The following ERCC6L2 variants were observed in gnomAD, a reference collection of about 807,000 sequenced individuals.
ERCC6L2 encodes ERCC excision repair 6 like 2, also known as DNA excision repair protein ERCC-6-like 2.
A neutral mutation model predicts 132.0 loss-of-function variants in ERCC6L2; 77 were observed. The observed-to-expected ratio is 0.58, with a 90% confidence interval of 0.49 to 0.71. The LOEUF (loss-of-function observed/expected upper bound fraction) is 0.71, where lower values mean the gene tolerates loss of function less well. Among genes scored for constraint, ERCC6L2 ranks in the 30% least tolerant of loss-of-function variants. ERCC6L2 has a pLI of 0.00. For synonymous variants in ERCC6L2, 583 were observed against 632.4 expected (o/e 0.92, Z 1.17); for missense variants, 1,542 against 1,837.6 (o/e 0.84, Z 2.94).
chr9:95,901,557 A>G (rs545472862), intron 3 of ERCC6L2, among the ~76,000 whole-genome samples: 16 of 152,092 alleles, frequency 1.1e-4, no homozygotes, highest in Admixed American at 3.3e-4. Context: ...TGTTGTTTTT[A>G]GGTTCCTTCT....
At chr9:96,036,361 A>T (rs927144402) in intron 19 of ERCC6L2, among the ~76,000 whole-genome samples, 2 of 152,226 alleles carry the variant, frequency 1.3e-5, no homozygotes, top group African/African-American at 2.4e-5. Context: ...ATGTCATAGC[A>T]TATTTTGGAA....
chr9:95,899,524 A>G (rs1828644518), intron 3 of ERCC6L2, among the ~76,000 whole-genome samples: 1 of 152,114 alleles, frequency 6.6e-6, no homozygotes, highest in Admixed American at 6.5e-5. Flanking sequence ...AAATATGCTT[A>G]TAATAGTTAC....
chr9:95,952,646 C>A (rs1831392238), intron 12 of ERCC6L2, among the ~76,000 whole-genome samples: 1 of 152,014 alleles, frequency 6.6e-6, no homozygotes, highest in Non-Finnish European at 1.5e-5. Context: ...CCTGCCTGAC[C>A]AACATGGTGA....
chr9:95,936,913 C>T (rs1830580120), intron 11 of ERCC6L2, among the ~76,000 whole-genome samples: 2 of 152,170 alleles, frequency 1.3e-5, no homozygotes, highest in Non-Finnish European at 1.5e-5. Context: ...TTTCACTCAG[C>T]GTAATTCCCT....
chr9:95,933,190 A>G (rs1397235759), intron 11 of ERCC6L2, among the ~76,000 whole-genome samples: 1 of 152,228 alleles, frequency 6.6e-6, no homozygotes, highest in African/African-American at 2.4e-5. Context: ...TCAAGAAGGT[A>G]ACTGGAACAG....
intron 17 of ERCC6L2, 146 bp from the exon 18 acceptor site, chr9:96,004,374 G>A (rs919529537): frequency 7.4e-6 from 3 of 404,764 alleles, no homozygotes; most frequent in Non-Finnish European, 1.4e-5. Flanking sequence ...AAAGACCTAG[G>A]TTAATATCTT....
At chr9:95,998,001 G>C (rs1833529477) in intron 17 of ERCC6L2, among the ~76,000 whole-genome samples, 1 of 152,192 alleles carries the variant, frequency 6.6e-6, no homozygotes, top group South Asian at 2.1e-4. Flanking sequence ...TTATAAAGTA[G>C]ATATTGTTTT....
At chr9:95,943,260 A>G (rs540854244) in intron 12 of ERCC6L2, among the ~76,000 whole-genome samples, 1 of 152,132 alleles carries the variant, frequency 6.6e-6, no homozygotes, top group Non-Finnish European at 1.5e-5. Context: ...AATTGTCAGA[A>G]TAAGGGTAGA....
chr9:95,890,167 A>T (rs1564196752), intron 2 of ERCC6L2, among the ~76,000 whole-genome samples: 1 of 152,210 alleles, frequency 6.6e-6, no homozygotes, highest in Non-Finnish European at 1.5e-5. Context: ...AGCATCTAGA[A>T]ATAGCCTTTC....
At position 95,880,901 on chromosome 9, in the gene ERCC6L2, C is replaced by A; in HGVS notation, c.79C>A (p.Pro27Thr). 6.2e-7 allele frequency: 1 copy of A among 1,612,534 alleles called. No individual in the cohort carries two copies. ...IWHPGERCLA[P>T]SPDNGKLCEA... ...GCATCCAGGAGAAAGATGTCTTGCCCCTTCTCCAGATAATGGAAAACTTTG... is the reference window on the plus strand; with the variant it reads ...GCATCCAGGAGAAAGATGTCTTGCCACTTCTCCAGATAATGGAAAACTTTG... Residue 27 changes from proline to threonine, a missense_variant, in exon 2 of 19, where the codon CCT (proline) becomes ACT (threonine). Pro to Thr is a conservative substitution (Grantham distance 38). Transcript: ENST00000653738.
intron 3 of ERCC6L2, among the ~76,000 whole-genome samples, chr9:95,900,700 CTG>C (rs1420222383): frequency 6.6e-6 from 1 of 151,646 alleles, no homozygotes; most frequent in Non-Finnish European, 1.5e-5. Flanking sequence ...TGTGTAGTCT[CTG>C]TTGTTTTAAA....
chr9:95,879,190 T>C (rs1195130), intron 1 of ERCC6L2, among the ~76,000 whole-genome samples: 36,784 of 151,894 alleles, frequency 0.24, 5,440 homozygotes, highest in East Asian at 0.37. Context: ...TTTTAATGAT[T>C]GCCATTCTAA....
chr9:95,968,957 CTG>C (rs893602857), intron 14 of ERCC6L2: 2 of 152,074 alleles, frequency 1.3e-5, no homozygotes, highest in African/African-American at 4.8e-5. Flanking sequence ...GAAATAGAAA[CTG>C]TTAAGGAAGG....
chr9:95,924,039 G>A (rs961250543), intron 9 of ERCC6L2, among the ~76,000 whole-genome samples: 1 of 152,178 alleles, frequency 6.6e-6, no homozygotes, highest in African/African-American at 2.4e-5. Context: ...CTGCCTCCTT[G>A]CAACAACAGA....
At chr9:96,025,126 T>A (rs1361831768) in intron 19 of ERCC6L2, among the ~76,000 whole-genome samples, 1 of 152,206 alleles carries the variant, frequency 6.6e-6, no homozygotes, top group Non-Finnish European at 1.5e-5. Context: ...AACTCTTTTG[T>A]TGAAAATGAC....
intron 18 of ERCC6L2, among the ~76,000 whole-genome samples, chr9:96,009,316 C>G (rs1195798535): frequency 6.6e-6 from 1 of 152,220 alleles, no homozygotes; most frequent in Non-Finnish European, 1.5e-5. Context: ...AGAAGTAAAA[C>G]TGTCCAACCA....
intron 4 of ERCC6L2, among the ~76,000 whole-genome samples, chr9:95,915,464 C>T (rs909825405): frequency 1.3e-5 from 2 of 152,074 alleles, no homozygotes; most frequent in African/African-American, 4.8e-5. Flanking sequence ...TGTCTATACC[C>T]TTTCTTTTCT....
At chr9:95,903,652 A>G (rs1056291931) in intron 3 of ERCC6L2, among the ~76,000 whole-genome samples, 1 of 152,118 alleles carries the variant, frequency 6.6e-6, no homozygotes, top group Non-Finnish European at 1.5e-5. Context: ...AAGGTGTTCA[A>G]TTGATGAATG....
At chr9:95,880,147 A>C (rs1026320589) in intron 1 of ERCC6L2, among the ~76,000 whole-genome samples, 1 of 152,142 alleles carries the variant, frequency 6.6e-6, no homozygotes. Context: ...CTTAGAATTC[A>C]TCTCTTAAAG....
Sources: allele counts gnomAD v4.1 joint callset (sites outside exome capture counted in the v4.1 genomes callset), GRCh38; gene constraint gnomAD v4.1.1; transcripts MANE v1.5; gene names NCBI Gene and HGNC (gene_info 2026-07-23, HGNC 2026-07-21).